Variants in ADAMTSL1 observed in about 807,000 individuals in gnomAD.
ADAMTSL1 encodes ADAMTS-like protein 1.
Under a neutral mutation model 201.8 loss-of-function variants are expected in ADAMTSL1, and 126 were observed. That is an observed-to-expected ratio of 0.62 (90% CI 0.54 to 0.72). The LOEUF (loss-of-function observed/expected upper bound fraction) is 0.72. Ranked by LOEUF, ADAMTSL1 falls within the 30% of genes least tolerant of loss-of-function variation. The pLI, the probability that ADAMTSL1 is intolerant of heterozygous loss-of-function variation, is 0.00. For synonymous variants in ADAMTSL1, 1,121 were observed against 903.4 expected (o/e 1.24, Z -4.32); for missense variants, 2,679 against 2,277.8 (o/e 1.18, Z -3.59).
At position 18,704,745 on chromosome 9, in the gene ADAMTSL1, A is replaced by T. The variant is rs193298096; in HGVS notation, c.1575-2002A>T. Among the ~76,000 whole-genome samples, 6 of 152,328 alleles carry T rather than the reference A, an allele frequency of 3.9e-5. No homozygotes were observed. The East Asian group carries it at 1.2e-3, about 29-fold the overall frequency. On this transcript the variant is annotated intron_variant, in intron 13 of 28. Coordinates refer to ENST00000380548, the MANE Select transcript of ADAMTSL1 (RefSeq NM_001040272.6). The stretch of plus-strand genomic sequence containing the variant: ...AGGGGTCATTTTTTAAAGCAAGAAG[A>T]CTTTTTAATCTTTTAGGATACCATT...
At chr9:17,979,547 T>A (rs1441524697) in intron 1 of ADAMTSL1, among the ~76,000 whole-genome samples, 1 of 151,720 alleles carries the variant, frequency 6.6e-6, no homozygotes, top group East Asian at 1.9e-4. Flanking sequence ...TTTATTTCTG[T>A]CTCTCTGCTT....
At chr9:17,941,655 C>T (rs561420889) in intron 1 of ADAMTSL1, among the ~76,000 whole-genome samples, 2 of 152,200 alleles carry the variant, frequency 1.3e-5, no homozygotes, top group South Asian at 4.1e-4. Flanking sequence ...ATATTAAATA[C>T]TTAATAACCA....
intron 3 of ADAMTSL1, among the ~76,000 whole-genome samples, chr9:18,536,857 A>G (rs1227293833): frequency 6.6e-6 from 1 of 152,182 alleles, no homozygotes; most frequent in Non-Finnish European, 1.5e-5. Flanking sequence ...TTAAACCTCA[A>G]ATTTGAACCC....
At chr9:18,384,536 T>C (rs1837704998) in intron 2 of ADAMTSL1, among the ~76,000 whole-genome samples, 2 of 152,108 alleles carry the variant, frequency 1.3e-5, no homozygotes, top group South Asian at 4.1e-4. Context: ...CCCTAAGAAG[T>C]CTTATTTGAA....
chr9:18,737,558 C>T (rs1001195880), intron 15 of ADAMTSL1, among the ~76,000 whole-genome samples: 2 of 152,088 alleles, frequency 1.3e-5, no homozygotes, highest in African/African-American at 4.8e-5. Flanking sequence ...TTAGTCCTAT[C>T]GATACCAAAA....
Position 18,706,837 on chromosome 9 carries a change from C to G in ADAMTSL1, c.1665C>G (p.Phe555Leu), listed in dbSNP as rs766313515. 18 of 1,612,376 alleles carry G rather than the reference C, an allele frequency of 1.1e-5. No homozygotes were observed. Among genetic ancestry groups the G allele is most frequent in the Non-Finnish European group, 1.5e-5 (18 of 1,179,094 alleles). Residue 555 changes from phenylalanine (F) to leucine (L), a missense_variant, in exon 14 of 29, where the codon TTC (phenylalanine) becomes TTG (leucine). Phe to Leu is a conservative substitution (Grantham distance 22). Coordinates refer to ENST00000380548, the MANE Select transcript of ADAMTSL1 (RefSeq NM_001040272.6). The part of the protein sequence containing the change: ...RIVRCQVLLS[F>L]SQSVADLPID... The stretch of plus-strand genomic sequence containing the variant: ...TCAGGTGCCAGGTGCTCCTGTCTTT[C>G]TCTCAGTCCGTGGCTGACCTGCCTA...
At chr9:18,881,417 A>ATCTC (rs1327573753) in intron 23 of ADAMTSL1, among the ~76,000 whole-genome samples, 1 of 152,210 alleles carries the variant, frequency 6.6e-6, no homozygotes, top group Non-Finnish European at 1.5e-5. Flanking sequence ...ATATTGCTGC[A>ATCTC]TCTCAGGGGA....
intron 2 of ADAMTSL1, among the ~76,000 whole-genome samples, chr9:18,381,366 T>A (rs1837547647): frequency 6.6e-6 from 1 of 152,228 alleles, no homozygotes; most frequent in Non-Finnish European, 1.5e-5. Context: ...CAGGTACTGT[T>A]TGGATATTTT....
At chr9:18,358,145 G>A (rs1586961645) in intron 2 of ADAMTSL1, among the ~76,000 whole-genome samples, 1 of 152,130 alleles carries the variant, frequency 6.6e-6, no homozygotes, top group African/African-American at 2.4e-5. Context: ...TAGAATACCA[G>A]TATATACTTA....
At chr9:18,496,790 A>T (rs1822556766) in intron 1 of ADAMTSL1, among the ~76,000 whole-genome samples, 1 of 152,174 alleles carries the variant, frequency 6.6e-6, no homozygotes, top group Admixed American at 6.5e-5. Context: ...AGTTCTACAG[A>T]TGGTTTGTAA....
chr9:18,310,461 T>TA (rs1834102312), intron 2 of ADAMTSL1, among the ~76,000 whole-genome samples: 2 of 142,398 alleles, frequency 1.4e-5, no homozygotes, highest in Non-Finnish European at 3.0e-5. Flanking sequence ...TCTATCCATC[T>TA]AACAAAGGAC....
chr9:17,998,832 C>A (rs187909608), intron 1 of ADAMTSL1, among the ~76,000 whole-genome samples: 32 of 152,080 alleles, frequency 2.1e-4, no homozygotes. Flanking sequence ...TGTTTTATCT[C>A]CTGGATGCCT....
chr9:18,590,674 T>C (rs1467871742), intron 4 of ADAMTSL1, among the ~76,000 whole-genome samples: 1 of 152,102 alleles, frequency 6.6e-6, no homozygotes, highest in Non-Finnish European at 1.5e-5. Flanking sequence ...TCCATCTTAG[T>C]ATCACTCTTC....
At chr9:18,453,245 G>A (rs1323404058) in intron 2 of ADAMTSL1, among the ~76,000 whole-genome samples, 1 of 152,160 alleles carries the variant, frequency 6.6e-6, no homozygotes, top group Non-Finnish European at 1.5e-5. Context: ...AATGCAGAGA[G>A]CAGAGACCCA....
intron 2 of ADAMTSL1, among the ~76,000 whole-genome samples, chr9:18,371,639 A>G (rs915581025): frequency 1.3e-5 from 2 of 152,254 alleles, no homozygotes; most frequent in African/African-American, 2.4e-5. Context: ...GGGTTTTAGA[A>G]GCATGAAATA....
intron 5 of ADAMTSL1, among the ~76,000 whole-genome samples, chr9:18,624,521 G>A (rs181753315): frequency 3.7e-4 from 56 of 152,276 alleles, no homozygotes; most frequent in African/African-American, 1.1e-3. Context: ...ATTACTGTTA[G>A]GTACAAAAGG....
At chr9:17,917,700 G>A (rs1191594794) in intron 1 of ADAMTSL1, among the ~76,000 whole-genome samples, 2 of 151,880 alleles carry the variant, frequency 1.3e-5, no homozygotes, top group Non-Finnish European at 2.9e-5. Context: ...CGGCTTCATA[G>A]AATAAGTCAG....
chr9:18,152,393 A>C (rs1033683833), intron 1 of ADAMTSL1, among the ~76,000 whole-genome samples: 7 of 152,204 alleles, frequency 4.6e-5, no homozygotes, highest in African/African-American at 1.7e-4. Context: ...AGAACACGCC[A>C]CATAAGAGCC....
chr9:18,398,232 G>C (rs1305635441), intron 2 of ADAMTSL1, among the ~76,000 whole-genome samples: 1 of 152,120 alleles, frequency 6.6e-6, no homozygotes, highest in Non-Finnish European at 1.5e-5. Context: ...TGTAACATAT[G>C]TGCGGTTGAA....
Sources: gnomAD v4.1 joint callset for allele counts (sites outside exome capture counted in the v4.1 genomes callset) on GRCh38, gnomAD v4.1.1 for gene constraint, MANE v1.5 for transcripts, NCBI Gene and HGNC (gene_info 2026-07-23, HGNC 2026-07-21) for gene names.